The following USE1 variants were observed in gnomAD, a reference collection of about 807,000 sequenced individuals.
The protein encoded by USE1 is unconventional SNARE in the ER 1.
In USE1, 32 loss-of-function variants were observed where a neutral mutation model predicts 37.6. That is an observed-to-expected ratio of 0.85 (90% CI 0.64 to 1.14). The LOEUF is 1.14. USE1 is among the 50% of genes most tolerant of loss of function. USE1 has a pLI of 0.00. For synonymous variants in USE1, 149 were observed against 137.6 expected, an observed-to-expected ratio of 1.08 and a Z score of -0.58; for missense variants, 310 against 332.2, an observed-to-expected ratio of 0.93 and a Z score of 0.52.
intron 6 of USE1, chr19:17,218,966 A>C: frequency 2.9e-6 from 1 of 342,092 alleles, no homozygotes; most frequent in Non-Finnish European, 5.1e-6. Flanking sequence ...GTCTCTACTA[A>C]AAATACAAAA....
rs1268862032 is a variant in USE1 at position 17,215,521 on chromosome 19, G to A, written c.102+14G>A. The A allele has an allele frequency of 1.9e-6, 3 of 1,552,172 alleles. No individual in the cohort carries two copies. The highest frequency in any genetic ancestry group is 2.4e-5 in the South Asian group (2 of 84,196). ...CGCCTGGAGAAGGTGAGGGGATCTCGCACTGCCGCGTAGAGCCCGACTCCC... is the reference window on the plus strand; with the variant it reads ...CGCCTGGAGAAGGTGAGGGGATCTCACACTGCCGCGTAGAGCCCGACTCCC... On this transcript the variant is annotated intron_variant, in intron 1 of 7. Transcript: ENST00000263897.
At chr19:17,215,731 C>CCCG (rs1171293956) in intron 1 of USE1, 71 bp from the exon 2 acceptor site, 26 of 1,292,018 alleles carry the variant, frequency 2.0e-5, no homozygotes, top group Middle Eastern at 4.8e-4. Context: ...ATTTGTCGGC[C>CCCG]CCGCCCCCCC....
chr19:17,219,185 G>T (rs2073309507), intron 6 of USE1, 28 bp from the exon 7 acceptor site: 1 of 1,597,414 alleles, frequency 6.3e-7, no homozygotes, highest in Admixed American at 1.7e-5. Context: ...CATCTCTCAT[G>T]TCCTCCTCCC....
At chr19:17,215,672 C>T (rs1321583426) in intron 1 of USE1, 130 bp from the exon 2 acceptor site, 7 of 1,104,316 alleles carry the variant, frequency 6.3e-6, no homozygotes, top group Non-Finnish European at 7.7e-6. Context: ...GTCCCTGGGA[C>T]TCCGCCCCTC....
intron 1 of USE1, 73 bp downstream of exon 1, chr19:17,215,580 CCCGACTCCCCGG>C (rs1162770846): frequency 1.4e-5 from 21 of 1,505,056 alleles, no homozygotes; most frequent in Admixed American, 8.0e-5. Flanking sequence ...AGCCACCTGG[CCCGACTCCCCGG>C]CCCCAGTAGC....
rs1265701637 is a variant in USE1 at position 17,215,804 on chromosome 19, C to A, written c.105C>A (p.Tyr35Ter). 1 of 1,609,052 alleles carries A rather than the reference C, an allele frequency of 6.2e-7. No homozygotes were observed. The highest frequency in any genetic ancestry group is 1.3e-5 in the African/African-American group (1 of 74,614). The change falls in exon 2 of 8, where the codon TAC becomes TAA. Residue 35 changes from tyrosine (Y) to a stop codon, truncating the protein, a stop_gained and splice_region_variant. Transcript: ENST00000263897. LOFTEE classifies it high-confidence loss of function. ...RDPDEWRLEK[Y>*]VGALEDMLQA... ...GACAATCCACTTTTCCTCCCCAGTA[C>A]GTGGGAGCCCTAGAGGACATGTTGC...
intron 4 of USE1, among the ~76,000 whole-genome samples, chr19:17,216,978 C>CA (rs112498331): frequency 0.013 from 1,819 of 138,300 alleles, 28 homozygotes; most frequent in African/African-American, 0.043. Context: ...AACTCCGTCT[C>CA]AAAAAAAAAA....
At position 17,215,513 on chromosome 19, in the gene USE1, G is replaced by C; in HGVS notation, c.102+6G>C. On this transcript the variant is annotated splice_donor_region_variant and intron_variant, in intron 1 of 7. Coordinates refer to ENST00000263897, the MANE Select transcript of USE1 (RefSeq NM_018467.4). ...ACGAGTGGCGCCTGGAGAAGGTGAG[G>C]GGATCTCGCACTGCCGCGTAGAGCC... is the stretch of plus-strand genomic sequence containing the variant. 6.4e-7 allele frequency: 1 copy of C among 1,555,326 alleles called. No homozygotes were observed.
chr19:17,216,995 A>G (rs1362510526), intron 4 of USE1, among the ~76,000 whole-genome samples: 1 of 151,492 alleles, frequency 6.6e-6, no homozygotes, highest in Admixed American at 6.6e-5. Context: ...AAAAAATATG[A>G]GTTGTCGTTA....
chr19:17,217,242 A>T (rs1331241346), intron 4 of USE1, among the ~76,000 whole-genome samples: 3 of 149,186 alleles, frequency 2.0e-5, no homozygotes, highest in Non-Finnish European at 3.0e-5. Context: ...TTCAAGCAAT[A>T]CTCCTGCCTC....
In USE1 at chr19:17,219,271, G is replaced by A. The variant is rs201369767; in HGVS notation, c.481G>A (p.Val161Ile). The A allele has an allele frequency of 4.3e-5, 69 of 1,613,674 alleles. No homozygotes were observed. The highest frequency in any genetic ancestry group is 4.0e-5 in the African/African-American group (3 of 74,886). ...GCAGTTGGCAGCTGAGCTAGACCTC[G>A]TCCTGCAGCGACATCAGAACCTCCA... is the stretch of plus-strand genomic sequence containing the variant. ...EKQLAAELDL[V>I]LQRHQNLQEK... The change falls in exon 7 of 8, where the codon GTC becomes ATC. Residue 161 changes from valine to isoleucine, a missense_variant. Coordinates refer to ENST00000263897, the MANE Select transcript of USE1 (RefSeq NM_018467.4).
chr19:17,215,766 A>G, intron 1 of USE1, 36 bp from the exon 2 acceptor site: 1 of 1,442,158 alleles, frequency 6.9e-7, no homozygotes, highest in Non-Finnish European at 9.3e-7. Flanking sequence ...GGACATGGGA[A>G]AGACCCCCGG....
Position 17,219,719 on chromosome 19 carries a change from C to T in USE1, c.686C>T (p.Ser229Leu). 6.2e-7 allele frequency: 1 copy of T among 1,613,628 alleles called. No individual in the cohort carries two copies. The change falls in exon 8 of 8, where the codon TCA becomes TTA. Residue 229 changes from serine (S) to leucine (L), a missense_variant. By Grantham distance (145) the Ser-to-Leu change is moderately radical. Transcript: ENST00000263897. Reference sequence around the variant, plus strand: ...CGTCTGGAGCAGCACACGCAGAAGTCAGTCAACTGGCTGCTCTGGGCCATG... The same window carrying T: ...CGTCTGGAGCAGCACACGCAGAAGTTAGTCAACTGGCTGCTCTGGGCCATG... ...SERLEQHTQK[S>L]VNWLLWAMLI... is the part of the protein sequence containing the mutation.
chr19:17,215,563 G>A, intron 1 of USE1, 56 bp downstream of exon 1: 1 of 1,537,436 alleles, frequency 6.5e-7, no homozygotes, highest in Non-Finnish European at 8.8e-7. Flanking sequence ...TGATTCCTAG[G>A]GTTGGAAGCC....
intron 5 of USE1, 135 bp downstream of exon 5, chr19:17,217,597 AG>A (rs1249037103): frequency 6.3e-6 from 8 of 1,270,972 alleles, no homozygotes; most frequent in Non-Finnish European, 8.8e-6. Flanking sequence ...CTACACCTGG[AG>A]GAAGAGCCAG....
rs1157240354 is a variant in USE1, at chr19:17,217,191, G to A, written c.385-262G>A. Among the ~76,000 whole-genome samples, 3 of 149,940 alleles carry A rather than the reference G, an allele frequency of 2.0e-5. No homozygotes were observed. In the South Asian group the frequency reaches 6.4e-4, roughly 32 times the overall value. Reference sequence around the variant, plus strand: ...GCTCTTGTTGCCCAGGCTAGAGTGTGGTGGCGCGATCTCGGCTCACTGCAA... The same window carrying A: ...GCTCTTGTTGCCCAGGCTAGAGTGTAGTGGCGCGATCTCGGCTCACTGCAA... On this transcript the variant is annotated intron_variant, in intron 4 of 7. Coordinates refer to ENST00000263897, the MANE Select transcript of USE1 (RefSeq NM_018467.4).
At chr19:17,215,641 C>T (rs2073284123) in intron 1 of USE1, 134 bp downstream of exon 1, 6 of 1,328,858 alleles carry the variant, frequency 4.5e-6, no homozygotes, top group Non-Finnish European at 6.2e-6. Context: ...CCCGCCACGT[C>T]CACCTGTAGC....
Position 17,217,639 on chromosome 19 carries a change from A to G in USE1, c.394+177A>G, listed in dbSNP as rs759535028. 6 of 943,606 alleles carry G rather than the reference A, an allele frequency of 6.4e-6. No homozygotes were observed. The South Asian group carries it at 8.3e-5, about 13-fold the overall frequency. 58.5% of individuals were successfully genotyped at this position (943,606 alleles called of 1,614,324 possible). ...AGGAAATGGCCCCGAGAGGAAACAA[A>G]GCTAGGCACAGTGGCTCACACCTGT... On this transcript the variant is annotated intron_variant, in intron 5 of 7. Transcript: ENST00000263897.
Position 17,216,084 on chromosome 19 carries a change from C to T in USE1, c.231+14C>T. ...GCCGAGAAGCTGGTGAGAAGGGGTGCCCCTGCCCCCTCAGCCCCCATCACC... is the reference window on the plus strand; with the variant it reads ...GCCGAGAAGCTGGTGAGAAGGGGTGTCCCTGCCCCCTCAGCCCCCATCACC... On this transcript the variant is annotated intron_variant, in intron 3 of 7. Coordinates refer to ENST00000263897, the MANE Select transcript of USE1 (RefSeq NM_018467.4). 3 of 1,612,954 alleles carry T rather than the reference C, an allele frequency of 1.9e-6. No homozygotes were observed. The highest frequency in any genetic ancestry group is 2.5e-6 in the Non-Finnish European group (3 of 1,179,566).
Sources: allele counts gnomAD v4.1 joint callset (sites outside exome capture counted in the v4.1 genomes callset), GRCh38; gene constraint gnomAD v4.1.1; transcripts MANE v1.5; gene names NCBI Gene and HGNC (gene_info 2026-07-23, HGNC 2026-07-21).